NPHP3: variants seen among roughly 807,000 people sequenced by gnomAD.
The protein encoded by NPHP3 is nephrocystin 3.
A neutral mutation model predicts 171.9 loss-of-function variants in NPHP3; 123 were observed. That is an observed-to-expected ratio of 0.72 (90% CI 0.62 to 0.83). The LOEUF (loss-of-function observed/expected upper bound fraction) is 0.83. Among genes scored for constraint, NPHP3 ranks in the 40% least tolerant of loss-of-function variants. The pLI is 0.00. For missense variants in NPHP3, 1,506 were observed against 1,591.9 expected, an observed-to-expected ratio of 0.95 and a Z score of 0.92; for synonymous variants, 558 against 579.2, an observed-to-expected ratio of 0.96 and a Z score of 0.52.
At chr3:132,717,470 T>A (rs77344670) in intron 3 of NPHP3, 28,347 of 153,860 alleles carry the variant, frequency 0.18, 2,991 homozygotes, top group East Asian at 0.55. Flanking sequence ...CTTGATAACC[T>A]TAAGTAAATG....
chr3:132,717,990 G>A (rs1200961078), intron 3 of NPHP3: 5 of 415,640 alleles, frequency 1.2e-5, no homozygotes, highest in Admixed American at 2.9e-5. Context: ...TTTTGACCTC[G>A]TGATCCGCCC....
chr3:132,680,835 T>A lies in NPHP3; in HGVS notation c.*1075A>T, dbSNP rs897557103. ...ATGGCATACTAATTTGAGTTTGAGG[T>A]AAATGAAGAGACAGATTTAGGCCAT... On this transcript the variant is annotated 3_prime_UTR_variant, in exon 27 of 27. Coordinates refer to ENST00000337331, the MANE Select transcript of NPHP3 (RefSeq NM_153240.5). 1.3e-5 allele frequency: 2 copies of A among 152,142 alleles called. No individual in the cohort carries two copies. Among genetic ancestry groups the A allele is most frequent in the Non-Finnish European group, 2.9e-5 (2 of 68,022 alleles). The allele number at this position is 152,142 out of a possible 1,614,324, so 9.4% of individuals were successfully genotyped here. A position where few individuals can be genotyped will look rare whatever the true frequency, so the allele number is the denominator to read the frequency against.
chr3:132,682,461 T>C, intron 26 of NPHP3: 1 of 569,076 alleles, frequency 1.8e-6, no homozygotes, highest in South Asian at 2.1e-5. Flanking sequence ...CAGAGCCAGA[T>C]GTAGTATAAA....
At position 132,690,949 on chromosome 3, in the gene NPHP3, G is replaced by A. The variant is rs192015329; in HGVS notation, c.2570+243C>T. 2.0e-3 allele frequency among the ~76,000 whole-genome samples: 310 copies of A among 151,800 alleles called. 2 individuals carry two copies. Among genetic ancestry groups the A allele is most frequent in the African/African-American group, 7.1e-3 (295 of 41,376 alleles). On this transcript the variant is annotated intron_variant, in intron 18 of 26. Coordinates refer to ENST00000337331, the MANE Select transcript of NPHP3 (RefSeq NM_153240.5). The stretch of plus-strand genomic sequence containing the variant: ...TACAGATACATGGACACAAACTATT[G>A]GAATAAAATAAAAATAATAAAATGA...
At chr3:132,687,298 T>C in intron 21 of NPHP3, 72 bp from the exon 22 acceptor site, 1 of 724,634 alleles carries the variant, frequency 1.4e-6, no homozygotes, top group Admixed American at 2.1e-5. Flanking sequence ...ATGAAAGCAC[T>C]CTTTTCATAG....
At chr3:132,700,137 T>C (rs1347871656) in intron 11 of NPHP3, 76 bp from the exon 12 acceptor site, 3 of 1,537,640 alleles carry the variant, frequency 2.0e-6, no homozygotes, top group East Asian at 2.3e-5. Context: ...GGGGGAAATA[T>C]TTCTATTCTT....
chr3:132,720,470 T>C (rs1442727730), intron 1 of NPHP3, among the ~76,000 whole-genome samples: 4 of 152,196 alleles, frequency 2.6e-5, no homozygotes, highest in African/African-American at 9.7e-5. Flanking sequence ...CAACGTGCGG[T>C]GTCTGTTGGG....
chr3:132,696,163 A>T (rs908974011), intron 15 of NPHP3, among the ~76,000 whole-genome samples: 1 of 151,954 alleles, frequency 6.6e-6, no homozygotes, highest in African/African-American at 2.4e-5. Flanking sequence ...AAGTAGAGTG[A>T]TGCTATACTG....
At chr3:132,709,719 T>C (rs1158793836) in intron 6 of NPHP3, among the ~76,000 whole-genome samples, 2 of 152,174 alleles carry the variant, frequency 1.3e-5, no homozygotes, top group Non-Finnish European at 2.9e-5. Flanking sequence ...AGAAGGGCGA[T>C]ATTGTATGAT....
In NPHP3 at chr3:132,720,440, C is replaced by T. The variant is rs115099267; in HGVS notation, c.394-610G>A. ...CCCTGTTTGGTTTGGCCTTTTCTAC[C>T]CCCACCTCACAGTTGTTTCCAACGT... On this transcript the variant is annotated intron_variant, in intron 1 of 26. Coordinates refer to ENST00000337331, the MANE Select transcript of NPHP3 (RefSeq NM_153240.5). 7.6e-3 allele frequency among the ~76,000 whole-genome samples: 1,153 copies of T among 152,240 alleles called. 14 individuals carry two copies. Among genetic ancestry groups the T allele is most frequent in the African/African-American group, 0.026 (1,086 of 41,528 alleles).
chr3:132,708,382 CACA>C (rs562185588), intron 6 of NPHP3, 125 bp from the exon 7 acceptor site: 34 of 887,654 alleles, frequency 3.8e-5, no homozygotes, highest in Non-Finnish European at 4.9e-5. Context: ...GGTCCAACTG[CACA>C]ACAAGTGAAG....
intron 6 of NPHP3, among the ~76,000 whole-genome samples, chr3:132,708,816 A>G (rs1939827036): frequency 6.6e-6 from 1 of 152,138 alleles, no homozygotes; most frequent in South Asian, 2.1e-4. Context: ...GAAACATAGG[A>G]GCTAAAATAT....
chr3:132,689,406 C>A, intron 19 of NPHP3, 143 bp from the exon 20 acceptor site: 2 of 832,784 alleles, frequency 2.4e-6, no homozygotes, highest in Admixed American at 2.0e-5. Flanking sequence ...AGACCACTCA[C>A]TATCTGAATT....
At chr3:132,721,110 G>A (rs978928854) in intron 1 of NPHP3, among the ~76,000 whole-genome samples, 2 of 151,846 alleles carry the variant, frequency 1.3e-5, no homozygotes, top group Non-Finnish European at 2.9e-5. Flanking sequence ...TAGAGACGGG[G>A]TTTCACCATG....
intron 9 of NPHP3, among the ~76,000 whole-genome samples, chr3:132,701,800 ATCATGAGG>A (rs1183752716): frequency 1.3e-5 from 2 of 152,176 alleles, no homozygotes; most frequent in Non-Finnish European, 2.9e-5. Context: ...AGGCGGGTGG[ATCATGAGG>A]TCAGGAGATC....
intron 15 of NPHP3, chr3:132,695,190 T>C: frequency 6.0e-6 from 3 of 498,920 alleles, no homozygotes. Context: ...CTGAAATCTA[T>C]TATTTGTTAA....
Position 132,708,171 on chromosome 3 carries a change from T to G in NPHP3, c.1205A>C (p.Lys402Thr), listed in dbSNP as rs1380842525. The change falls in exon 7 of 27, where the codon AAA (lysine) becomes ACA (threonine). Residue 402 changes from lysine to threonine, a missense_variant. Coordinates refer to ENST00000337331, the MANE Select transcript of NPHP3 (RefSeq NM_153240.5). ...RLIFHRLEDG[K>T]VSSDSVQQLI... ...TTGCTGGACAGAGTCAGAACTGACT[T>G]TTCCATCTTCCAAACGATGAAAGAT... 1 of 1,614,126 alleles carries G rather than the reference T, an allele frequency of 6.2e-7. No individual in the cohort carries two copies. Among genetic ancestry groups the G allele is most frequent in the Non-Finnish European group, 8.5e-7 (1 of 1,179,936 alleles).
At chr3:132,717,752 CTTTTTTTTTT>C (rs959757847) in intron 3 of NPHP3, among the ~76,000 whole-genome samples, 8 of 81,262 alleles carry the variant, frequency 9.8e-5, no homozygotes, top group East Asian at 4.5e-4. Flanking sequence ...CATTAAGAAT[CTTTTTTTTTT>C]TTTTTTTTTT....
intron 25 of NPHP3, among the ~76,000 whole-genome samples, chr3:132,683,130 A>C (rs563463268): frequency 6.6e-6 from 1 of 152,250 alleles, no homozygotes; most frequent in South Asian, 2.1e-4. Context: ...AGGCTTAAAT[A>C]CTTAAATAAA....
Sources: gnomAD v4.1 joint callset for allele counts (sites outside exome capture counted in the v4.1 genomes callset) on GRCh38, gnomAD v4.1.1 for gene constraint, MANE v1.5 for transcripts, NCBI Gene and HGNC (gene_info 2026-07-23, HGNC 2026-07-21) for gene names.